The following PLEKHG1 variants were observed in gnomAD, a reference collection of about 807,000 sequenced individuals.
PLEKHG1 encodes the protein pleckstrin homology domain-containing family G member 1.
PLEKHG1 carries 44 observed loss-of-function variants against 100.8 expected under a neutral mutation model. The observed-to-expected ratio is 0.44, with a 90% CI of 0.34 to 0.56. PLEKHG1 has a LOEUF of 0.56. Among genes scored for constraint, PLEKHG1 ranks in the 20% least tolerant of loss-of-function variants. The pLI is 0.01. For missense variants in PLEKHG1, 1,545 were observed against 1,720.9 expected (o/e 0.90, Z 1.81); for synonymous variants, 640 against 662.5 (o/e 0.97, Z 0.52).
intron 1 of PLEKHG1, among the ~76,000 whole-genome samples, chr6:150,725,524 G>A (rs1379108900): frequency 6.6e-6 from 1 of 152,018 alleles, no homozygotes; most frequent in Non-Finnish European, 1.5e-5. Context: ...TGATCTTCTT[G>A]TACAAATATG....
intron 3 of PLEKHG1, among the ~76,000 whole-genome samples, chr6:150,653,522 C>T (rs957907080): frequency 1.3e-4 from 20 of 152,066 alleles, no homozygotes; most frequent in Admixed American, 6.5e-5. Context: ...GCCAGTGGAT[C>T]GCTTGAGCCT....
In PLEKHG1 at chr6:150,649,309, T is replaced by C. The variant is rs1332102451; in HGVS notation, c.-157-1419T>C. On this transcript the variant is annotated intron_variant, in intron 2 of 3. Coordinates refer to the PLEKHG1 transcript ENST00000367326. ...AAGCTTTTTATTAAGTTTTTTTGTT[T>C]TTCAAAAATTTTGGAATCCGGCACT... is the stretch of plus-strand genomic sequence containing the variant. 2.3e-4 allele frequency among the ~76,000 whole-genome samples: 35 copies of C among 152,176 alleles called. 1 individual carries two copies. Among genetic ancestry groups the C allele is most frequent in the Non-Finnish European group, 2.9e-5 (2 of 68,030 alleles).
At chr6:150,788,468 G>A (rs977964025) in intron 4 of PLEKHG1, among the ~76,000 whole-genome samples, 2 of 152,212 alleles carry the variant, frequency 1.3e-5, no homozygotes, top group Admixed American at 6.5e-5. Context: ...GCTTACTGTC[G>A]TGGTATGTGT....
chr6:150,805,494 C>T (rs541041881), intron 7 of PLEKHG1, among the ~76,000 whole-genome samples: 1 of 151,516 alleles, frequency 6.6e-6, no homozygotes, highest in East Asian at 1.9e-4. Context: ...TTTACAGTCA[C>T]TTGGGACCTG....
chr6:150,837,108 G>C (rs1777266606), intron 15 of PLEKHG1, among the ~76,000 whole-genome samples: 1 of 152,166 alleles, frequency 6.6e-6, no homozygotes, highest in African/African-American at 2.4e-5. Flanking sequence ...GTTGCAGTGA[G>C]CCAAGATCCT....
chr6:150,754,308 G>A (rs142535341), intron 2 of PLEKHG1, among the ~76,000 whole-genome samples: 1 of 152,250 alleles, frequency 6.6e-6, no homozygotes, highest in African/African-American at 2.4e-5. Flanking sequence ...GTAGAGGTGA[G>A]GGAGTTGAGG....
At chr6:150,733,772 A>G (rs759622977) in exon 2 of PLEKHG1, 1 of 1,614,204 alleles carries the variant, frequency 6.2e-7, no homozygotes, top group East Asian at 2.2e-5. Flanking sequence ...CTTCGGCAGC[A>G]GAATGACCTT....
exon 2 of PLEKHG1, chr6:150,733,767 G>A (rs770985616): frequency 6.2e-7 from 1 of 1,614,172 alleles, no homozygotes; most frequent in Non-Finnish European, 8.5e-7. Flanking sequence ...GGTTCCTTCG[G>A]CAGCAGAATG....
intron 3 of PLEKHG1, among the ~76,000 whole-genome samples, chr6:150,699,563 G>T (rs1447022251): frequency 6.6e-6 from 1 of 152,154 alleles, no homozygotes; most frequent in Non-Finnish European, 1.5e-5. Context: ...CAAGCCCTGG[G>T]TTCCCCCAAA....
chr6:150,738,990 G>A (rs1782709849), intron 2 of PLEKHG1, among the ~76,000 whole-genome samples: 1 of 152,134 alleles, frequency 6.6e-6, no homozygotes, highest in Non-Finnish European at 1.5e-5. Context: ...TGTTTAATGG[G>A]ACCTTCGATT....
At chr6:150,721,254 T>C in intron 1 of PLEKHG1, 1 of 816,960 alleles carries the variant, frequency 1.2e-6, no homozygotes, top group East Asian at 1.2e-4. Flanking sequence ...AAACGCTCCT[T>C]CCCTCTGGGA....
At chr6:150,796,153 T>G (rs943923295) in intron 5 of PLEKHG1, among the ~76,000 whole-genome samples, 2 of 152,164 alleles carry the variant, frequency 1.3e-5, no homozygotes, top group African/African-American at 4.8e-5. Flanking sequence ...AAAAGATGAC[T>G]AGGTATCTCC....
At chr6:150,703,813 A>G (rs1780899488) in intron 3 of PLEKHG1, among the ~76,000 whole-genome samples, 1 of 152,188 alleles carries the variant, frequency 6.6e-6, no homozygotes, top group Non-Finnish European at 1.5e-5. Flanking sequence ...TCCAGTGAAT[A>G]TGCTGTTTTA....
chr6:150,827,973 C>T, intron 14 of PLEKHG1: 1 of 1,612,428 alleles, frequency 6.2e-7, no homozygotes, highest in South Asian at 1.1e-5. Context: ...GGATTATGTT[C>T]AAGAAGTTAC....
chr6:150,786,467 G>C lies in PLEKHG1; in HGVS notation c.582+8G>C. On this transcript the variant is annotated splice_region_variant and intron_variant, in intron 4 of 15. Coordinates refer to ENST00000358517, the Ensembl canonical transcript of PLEKHG1. Reference sequence around the variant, plus strand: ...GAGTGTTTTGTGTCCAAGGTAAGCAGGGTTCATCCTTCTGGGCCAACTGAG... The same window carrying C: ...GAGTGTTTTGTGTCCAAGGTAAGCACGGTTCATCCTTCTGGGCCAACTGAG... 1 of 1,596,228 alleles carries C rather than the reference G, an allele frequency of 6.3e-7. No homozygotes were observed. Among genetic ancestry groups the C allele is most frequent in the Non-Finnish European group, 8.6e-7 (1 of 1,164,144 alleles).
exon 16 of PLEKHG1, chr6:150,839,916 G>T (rs760998477): frequency 5.6e-6 from 9 of 1,613,756 alleles, no homozygotes; most frequent in Non-Finnish European, 6.8e-6. Context: ...GGATGGCTGG[G>T]CCAGCCCTCA....
rs896263310 is a variant in PLEKHG1, at chr6:150,772,731, CTGCTGTGTATATTATCCATTGG to C, written c.512+3996_512+4017del. On this transcript the variant is annotated intron_variant, in intron 3 of 15. Coordinates refer to ENST00000358517, the Ensembl canonical transcript of PLEKHG1. ...GGATTTATAGCTCTAGTTCATTTAA[CTGCTGTGTATATTATCCATTGG>C]TGATGATCTATCTCTGTATTTTGCC... Among the ~76,000 whole-genome samples, 20 of 152,244 alleles carry C rather than the reference CTGCTGTGTATATTATCCATTGG, an allele frequency of 1.3e-4. 1 individual carries two copies. Among genetic ancestry groups the C allele is most frequent in the Non-Finnish European group, 2.6e-4 (18 of 68,046 alleles).
At chr6:150,753,680 T>A (rs1783659504) in intron 2 of PLEKHG1, among the ~76,000 whole-genome samples, 1 of 152,174 alleles carries the variant, frequency 6.6e-6, no homozygotes, top group South Asian at 2.1e-4. Flanking sequence ...TACTTTTGAT[T>A]AGAGAAGCGT....
intron 12 of PLEKHG1, among the ~76,000 whole-genome samples, chr6:150,820,145 G>T (rs537376136): frequency 6.6e-6 from 1 of 151,834 alleles, no homozygotes; most frequent in South Asian, 2.1e-4. Flanking sequence ...GGAGACGGAG[G>T]TTGCAGTGAG....
Sources: allele counts gnomAD v4.1 joint callset (sites outside exome capture counted in the v4.1 genomes callset), GRCh38; gene constraint gnomAD v4.1.1; transcripts MANE v1.5; gene names NCBI Gene and HGNC (gene_info 2026-07-23, HGNC 2026-07-21).